The following PGAP1 variants were observed in gnomAD, a reference collection of about 807,000 sequenced individuals.
PGAP1 encodes post-GPI attachment to proteins inositol deacylase 1.
PGAP1 carries 76 observed loss-of-function variants against 127.0 expected under a neutral mutation model. The ratio of observed to expected loss-of-function variants is 0.60; its 90% confidence interval spans 0.50 to 0.72. The LOEUF (loss-of-function observed/expected upper bound fraction) is 0.72, where lower values mean the gene tolerates loss of function less well. PGAP1 is among the 30% of genes least tolerant of loss of function. The pLI, the probability that PGAP1 is intolerant of heterozygous loss-of-function variation, is 0.00. For synonymous variants in PGAP1, 362 were observed against 366.5 expected (o/e 0.99, Z 0.14); for missense variants, 982 against 1,071.3 (o/e 0.92, Z 1.16).
intron 20 of PGAP1, among the ~76,000 whole-genome samples, chr2:196,861,835 C>T (rs1278821346): frequency 6.6e-6 from 1 of 151,698 alleles, no homozygotes; most frequent in Non-Finnish European, 1.5e-5. Flanking sequence ...GTAAAGATTT[C>T]ATGGACACTT....
intron 19 of PGAP1, among the ~76,000 whole-genome samples, chr2:196,867,849 G>GA (rs1047630406): frequency 3.0e-4 from 46 of 152,176 alleles, no homozygotes; most frequent in Admixed American, 5.9e-4. Context: ...AAAGAGAAGA[G>GA]AAAAAATCAG....
intron 11 of PGAP1, 23 bp downstream of exon 11, chr2:196,885,811 G>T: frequency 1.4e-6 from 2 of 1,382,278 alleles, no homozygotes; most frequent in South Asian, 4.1e-5. Flanking sequence ...TGAGATAAAT[G>T]AACATGCATT....
At position 196,873,706 on chromosome 2, in the gene PGAP1, T is replaced by C. The variant is rs1318143306; in HGVS notation, c.1479A>G (p.Leu493=). The C allele has an allele frequency of 3.1e-6, 5 of 1,611,732 alleles. No individual in the cohort carries two copies. In the South Asian group the frequency reaches 4.4e-5, roughly 14 times the overall value. ...TTACCTGTCCAAAGTTCAGAAGCTC[T>C]AGATTGTAGTATAGGCCATTTGTAT... ...VLNTNGLYYN[L]ELLNFGQIYQ... is the part of the protein sequence containing the mutation. The change falls in exon 15 of 27, where the codon CTA becomes CTG. Residue 493 remains leucine (L), a synonymous_variant. Coordinates refer to ENST00000354764, the MANE Select transcript of PGAP1 (RefSeq NM_024989.4).
rs984302765 is a variant in PGAP1, at chr2:196,846,100, C to T, written c.2151-83G>A. 6.6e-6 allele frequency: 5 copies of T among 759,438 alleles called. No homozygotes were observed. In the African/African-American group the frequency reaches 9.0e-5, roughly 14 times the overall value. 47.0% of individuals were successfully genotyped at this position (759,438 alleles called of 1,614,324 possible). A position where few individuals can be genotyped will look rare whatever the true frequency, so the allele number is the denominator to read the frequency against. ...TATAAGAAGAAAACAATATAGTACCCTCCCAGTCTCTCTTGCTTATATGCA... is the reference window on the plus strand; with the variant it reads ...TATAAGAAGAAAACAATATAGTACCTTCCCAGTCTCTCTTGCTTATATGCA... On this transcript the variant is annotated intron_variant, in intron 22 of 26. Transcript: ENST00000354764.
At chr2:196,863,652 A>G (rs1701140452) in intron 20 of PGAP1, among the ~76,000 whole-genome samples, 1 of 152,218 alleles carries the variant, frequency 6.6e-6, no homozygotes, top group Non-Finnish European at 1.5e-5. Flanking sequence ...ATTTGATAGC[A>G]CTGCAACCTC....
chr2:196,871,451 G>T (rs1417070201), intron 18 of PGAP1, among the ~76,000 whole-genome samples: 1 of 152,054 alleles, frequency 6.6e-6, no homozygotes, highest in Non-Finnish European at 1.5e-5. Context: ...TGGACTTCTT[G>T]AAGATATGCA....
At chr2:196,872,299 A>G (rs1576130394) in intron 18 of PGAP1, 142 bp downstream of exon 18, 2 of 570,604 alleles carry the variant, frequency 3.5e-6, no homozygotes, top group Non-Finnish European at 6.1e-6. Flanking sequence ...AGGAAAAATG[A>G]AGAATATTTA....
At position 196,834,056 on chromosome 2, in the gene PGAP1, A is replaced by C. The variant is rs1399013995; in HGVS notation, c.*7178T>G. 1.3e-5 allele frequency: 2 copies of C among 152,078 alleles called. No individual in the cohort carries two copies. Among genetic ancestry groups the C allele is most frequent in the Non-Finnish European group, 2.9e-5 (2 of 67,928 alleles). The allele number at this position is 152,078 out of a possible 1,614,324, so 9.4% of individuals were successfully genotyped here. A position where few individuals can be genotyped will look rare whatever the true frequency, so the allele number is the denominator to read the frequency against. ...TATTTGATATATATAAGCCTCAATA[A>C]GTTCAGAAAGAATGAGCACAAGTCA... On this transcript the variant is annotated 3_prime_UTR_variant, in exon 27 of 27. Transcript: ENST00000354764.
intron 4 of PGAP1, among the ~76,000 whole-genome samples, chr2:196,903,135 G>T (rs2125827893): frequency 6.6e-6 from 1 of 152,074 alleles, no homozygotes; most frequent in Middle Eastern, 3.4e-3. Flanking sequence ...GTAGACATTT[G>T]TGGTGTTAGT....
intron 20 of PGAP1, among the ~76,000 whole-genome samples, chr2:196,854,983 G>A (rs1440766754): frequency 4.0e-5 from 6 of 149,848 alleles, no homozygotes; most frequent in East Asian, 1.9e-4. Flanking sequence ...TTGTAGAAAC[G>A]GGGCCTCCTT....
intron 20 of PGAP1, among the ~76,000 whole-genome samples, chr2:196,864,604 A>C (rs756526823): frequency 2.0e-5 from 3 of 152,106 alleles, no homozygotes; most frequent in Non-Finnish European, 2.9e-5. Context: ...TTTCCATTAA[A>C]AATGACACTG....
chr2:196,920,000 G>A lies in PGAP1; in HGVS notation c.298C>T (p.Gln100Ter). ...ATTTACTTCCAGTAAGACTTACCTTGCTTATAACTTCCAGCATTACCAGGA... is the reference window on the plus strand; with the variant it reads ...ATTTACTTCCAGTAAGACTTACCTTACTTATAACTTCCAGCATTACCAGGA... ...FLPGNAGSYKQVRSIGSIALR... is the reference protein window; with the variant it reads ...FLPGNAGSYK The change falls in exon 2 of 27, where the codon CAA (glutamine) becomes TAA (stop). Residue 100 changes from glutamine to a stop codon, truncating the protein, a stop_gained. Coordinates refer to ENST00000354764, the MANE Select transcript of PGAP1 (RefSeq NM_024989.4). LOFTEE classifies it high-confidence loss of function. The A allele has an allele frequency of 6.2e-7, 1 of 1,605,384 alleles. No individual in the cohort carries two copies. The highest frequency in any genetic ancestry group is 8.5e-7 in the Non-Finnish European group (1 of 1,177,328).
At position 196,838,060 on chromosome 2, in the gene PGAP1, G is replaced by C. The variant is rs1445661736; in HGVS notation, c.*3174C>G. On this transcript the variant is annotated 3_prime_UTR_variant, in exon 27 of 27. Transcript: ENST00000354764. ...TAAAAAAGATCCAGGAAAAAAAACA[G>C]TGTTAGCAATCTCTACCTATTATCA... 6.6e-6 allele frequency: 1 copy of C among 152,194 alleles called. No homozygotes were observed. Among genetic ancestry groups the C allele is most frequent in the African/African-American group, 2.4e-5 (1 of 41,450 alleles). The allele number at this position is 152,194 out of a possible 1,614,324, so 9.4% of individuals were successfully genotyped here.
rs1211634557 is a variant in PGAP1, at chr2:196,835,609, G to GT, written c.*5624dup. 1 of 152,372 alleles carries GT rather than the reference G, an allele frequency of 6.6e-6. No homozygotes were observed. Among genetic ancestry groups the GT allele is most frequent in the East Asian group, 1.9e-4 (1 of 5,200 alleles). 9.4% of individuals were successfully genotyped at this position (152,372 alleles called of 1,614,324 possible). On this transcript the variant is annotated 3_prime_UTR_variant, in exon 27 of 27. Transcript: ENST00000354764. The stretch of plus-strand genomic sequence containing the variant: ...AGTTTTCATGGTTTAAACATTTATT[G>GT]TAAGTCCTAGATGAAACATACTGAA...
At position 196,890,837 on chromosome 2, in the gene PGAP1, G is replaced by T; in HGVS notation, c.1164C>A (p.Ser388Arg). 2 of 1,532,090 alleles carry T rather than the reference G, an allele frequency of 1.3e-6. No individual in the cohort carries two copies. Among genetic ancestry groups the T allele is most frequent in the East Asian group, 2.3e-5 (1 of 44,322 alleles). 94.9% of individuals were successfully genotyped at this position (1,532,090 alleles called of 1,614,324 possible). A position where few individuals can be genotyped will look rare whatever the true frequency, so the allele number is the denominator to read the frequency against. ...RKIYTHVYCQ[S>R]TMLDTNSWIF... ...GTACCAATTATCTTACCAGCATAGT[G>T]CTCTGACAATAGACATGAGTGTAGA... The change falls in exon 10 of 27, where the codon AGC becomes AGA. Residue 388 changes from serine (S) to arginine (R), a missense_variant. Coordinates refer to ENST00000354764, the MANE Select transcript of PGAP1 (RefSeq NM_024989.4).
chr2:196,851,624 TAG>T (rs1700724725), intron 20 of PGAP1, among the ~76,000 whole-genome samples: 1 of 152,134 alleles, frequency 6.6e-6, no homozygotes, highest in Non-Finnish European at 1.5e-5. Context: ...GGACCTTGAA[TAG>T]GATTACTTTT....
intron 3 of PGAP1, among the ~76,000 whole-genome samples, chr2:196,914,136 C>T (rs921695438): frequency 3.3e-5 from 5 of 152,162 alleles, no homozygotes; most frequent in Admixed American, 6.6e-5. Flanking sequence ...TCCCCTTTGA[C>T]CTTCGCAAGT....
At chr2:196,924,945 A>G (rs557374357) in intron 1 of PGAP1, among the ~76,000 whole-genome samples, 1 of 152,338 alleles carries the variant, frequency 6.6e-6, no homozygotes, top group South Asian at 2.1e-4. Context: ...AAACTCTTCA[A>G]TGCGGTACAA....
intron 3 of PGAP1, among the ~76,000 whole-genome samples, chr2:196,914,026 C>T (rs143469735): frequency 6.8e-4 from 104 of 152,290 alleles, no homozygotes; most frequent in African/African-American, 2.5e-3. Flanking sequence ...TCAGCCATGT[C>T]ACAATATGCT....
Sources: gnomAD v4.1 joint callset for allele counts (sites outside exome capture counted in the v4.1 genomes callset) on GRCh38, gnomAD v4.1.1 for gene constraint, MANE v1.5 for transcripts, NCBI Gene and HGNC (gene_info 2026-07-23, HGNC 2026-07-21) for gene names.